Variants in SPOCK1 observed in about 807,000 individuals in gnomAD.
SPOCK1 encodes the protein SPARC (osteonectin), cwcv and kazal like domains proteoglycan 1.
Under a neutral mutation model 55.3 loss-of-function variants are expected in SPOCK1, and 23 were observed. The ratio of observed to expected loss-of-function variants is 0.42; its 90% CI spans 0.30 to 0.59. The LOEUF (loss-of-function observed/expected upper bound fraction) is 0.59. Among genes scored for constraint, SPOCK1 ranks in the 20% least tolerant of loss-of-function variants. The probability of loss-of-function intolerance (pLI) is 0.22; values close to 1 mark genes in which losing one functional copy is unlikely to be tolerated. For synonymous variants in SPOCK1, 226 were observed against 221.0 expected (o/e 1.02, Z -0.20); for missense variants, 499 against 552.5 (o/e 0.90, Z 0.97).
intron 6 of SPOCK1, among the ~76,000 whole-genome samples, chr5:137,002,482 C>CAAAAAAAAA (rs34057217): frequency 7.3e-6 from 1 of 136,922 alleles, no homozygotes. Flanking sequence ...ACTCTGGGGC[C>CAAAAAAAAA]AAAAAAAAAA....
intron 4 of SPOCK1, among the ~76,000 whole-genome samples, chr5:137,129,156 T>C (rs1753829417): frequency 2.0e-5 from 3 of 152,202 alleles, no homozygotes; most frequent in African/African-American, 7.2e-5. Context: ...CTGCCTTTCT[T>C]TCCAGCCTCA....
chr5:137,051,528 A>T (rs115611311), intron 6 of SPOCK1, among the ~76,000 whole-genome samples: 32 of 152,378 alleles, frequency 2.1e-4, no homozygotes, highest in Non-Finnish European at 4.1e-4. Context: ...ATAAACACAT[A>T]TCAATGCCAG....
intron 5 of SPOCK1, among the ~76,000 whole-genome samples, chr5:137,106,567 G>A (rs1753373192): frequency 1.3e-5 from 2 of 152,078 alleles, no homozygotes; most frequent in South Asian, 4.2e-4. Flanking sequence ...TCATTGCTAA[G>A]ACCAGCTGTA....
intron 2 of SPOCK1, among the ~76,000 whole-genome samples, chr5:137,345,906 T>C (rs914549793): frequency 2.0e-5 from 3 of 152,200 alleles, no homozygotes; most frequent in African/African-American, 7.2e-5. Flanking sequence ...CAGCAGACAC[T>C]GCAGGCACCA....
intron 3 of SPOCK1, among the ~76,000 whole-genome samples, chr5:137,162,080 G>T (rs1008622447): frequency 2.0e-5 from 3 of 150,748 alleles, no homozygotes; most frequent in African/African-American, 7.3e-5. Flanking sequence ...AGGGGTAAAA[G>T]ATGCCCCTTA....
In SPOCK1 at chr5:137,454,643, A is replaced by G. The variant is rs1753325986; in HGVS notation, c.186+43730T>C. On this transcript the variant is annotated intron_variant, in intron 2 of 10. Coordinates refer to ENST00000394945, the MANE Select transcript of SPOCK1 (RefSeq NM_004598.4). ...CAGTGATTTGTATTCTCATTCAAAA[A>G]TAGATATTGATTCCTCTATGGAAGG... 2.0e-5 allele frequency among the ~76,000 whole-genome samples: 3 copies of G among 152,336 alleles called. No homozygotes were observed. The South Asian group carries it at 6.2e-4, about 32-fold the overall frequency.
chr5:137,128,330 G>T (rs1204553119), intron 4 of SPOCK1, among the ~76,000 whole-genome samples: 2 of 152,162 alleles, frequency 1.3e-5, no homozygotes, highest in Non-Finnish European at 2.9e-5. Context: ...AATGGACTAA[G>T]ATAACAACTG....
At chr5:137,405,584 G>T (rs1752081182) in intron 2 of SPOCK1, among the ~76,000 whole-genome samples, 1 of 152,144 alleles carries the variant, frequency 6.6e-6, no homozygotes, top group Non-Finnish European at 1.5e-5. Context: ...GGGCCATAGA[G>T]GGCTCTTCCT....
chr5:137,051,526 A>G (rs1752208167), intron 6 of SPOCK1, among the ~76,000 whole-genome samples: 3 of 152,248 alleles, frequency 2.0e-5, no homozygotes, highest in Admixed American at 6.5e-5. Flanking sequence ...TTATAAACAC[A>G]TATCAATGCC....
chr5:137,202,483 C>T (rs538472779), intron 3 of SPOCK1, among the ~76,000 whole-genome samples: 6 of 152,238 alleles, frequency 3.9e-5, no homozygotes, highest in Admixed American at 1.3e-4. Context: ...TTTATCCATC[C>T]TGATATAGTT....
intron 2 of SPOCK1, among the ~76,000 whole-genome samples, chr5:137,352,420 C>T (rs369950651): frequency 3.9e-5 from 6 of 152,328 alleles, no homozygotes; most frequent in South Asian, 4.1e-4. Context: ...GGTTATAACG[C>T]GGTGACTGCT....
chr5:137,337,202 T>G (rs1750299903), intron 2 of SPOCK1, among the ~76,000 whole-genome samples: 1 of 152,176 alleles, frequency 6.6e-6, no homozygotes, highest in Non-Finnish European at 1.5e-5. Context: ...AAAAGTACAG[T>G]GTATCTCCAG....
chr5:137,131,122 C>T (rs1027653895), intron 4 of SPOCK1, among the ~76,000 whole-genome samples: 7 of 152,168 alleles, frequency 4.6e-5, no homozygotes, highest in African/African-American at 7.2e-5. Flanking sequence ...ATGTCTTTCA[C>T]GGTTCATTGG....
intron 3 of SPOCK1, among the ~76,000 whole-genome samples, chr5:137,211,791 A>G (rs1755622767): frequency 6.6e-6 from 1 of 152,164 alleles, no homozygotes; most frequent in South Asian, 2.1e-4. Flanking sequence ...AAAACCCACA[A>G]AAGCAGGGTT....
intron 3 of SPOCK1, among the ~76,000 whole-genome samples, chr5:137,176,721 C>T (rs542319608): frequency 1.3e-5 from 2 of 152,264 alleles, no homozygotes; most frequent in East Asian, 1.9e-4. Flanking sequence ...AGGGGCCAGA[C>T]AGGCTGAAGG....
intron 6 of SPOCK1, among the ~76,000 whole-genome samples, chr5:137,024,532 A>G (rs969248289): frequency 7.9e-5 from 12 of 152,090 alleles, no homozygotes; most frequent in Admixed American, 2.6e-4. Flanking sequence ...TGTGGCTCTA[A>G]CATTTGAACA....
At chr5:137,384,292 G>C (rs1751550585) in intron 2 of SPOCK1, among the ~76,000 whole-genome samples, 1 of 152,166 alleles carries the variant, frequency 6.6e-6, no homozygotes, top group South Asian at 2.1e-4. Flanking sequence ...GTGGGACTCT[G>C]CCCAAAACAT....
intron 5 of SPOCK1, among the ~76,000 whole-genome samples, chr5:137,090,150 G>A (rs1194524670): frequency 5.9e-5 from 9 of 152,182 alleles, no homozygotes; most frequent in African/African-American, 9.7e-5. Context: ...CAAATCCCAC[G>A]CAAGGCAAGC....
At chr5:137,005,706 G>A (rs1751234858) in intron 6 of SPOCK1, among the ~76,000 whole-genome samples, 1 of 151,988 alleles carries the variant, frequency 6.6e-6, no homozygotes, top group South Asian at 2.1e-4. Flanking sequence ...ACAACATGAA[G>A]AGGAAATAAA....
Sources: gnomAD v4.1 joint callset for allele counts (sites outside exome capture counted in the v4.1 genomes callset) on GRCh38, gnomAD v4.1.1 for gene constraint, MANE v1.5 for transcripts, NCBI Gene and HGNC (gene_info 2026-07-23, HGNC 2026-07-21) for gene names.